The following DOP1B variants were observed in gnomAD, a reference collection of about 807,000 sequenced individuals.
DOP1B encodes protein DOP1B.
A neutral mutation model predicts 233.5 loss-of-function variants in DOP1B; 174 were observed. That is an observed-to-expected ratio of 0.75 (90% confidence interval 0.66 to 0.85). The LOEUF (loss-of-function observed/expected upper bound fraction) is 0.85, where lower values mean the gene tolerates loss of function less well. Among genes scored for constraint, DOP1B ranks in the 40% least tolerant of loss-of-function variants. The pLI is 0.00. For missense variants in DOP1B, 2,652 were observed against 2,846.6 expected (o/e 0.93, Z 1.56); for synonymous variants, 1,190 against 1,185.6 (o/e 1.00, Z -0.08).
chr21:36,208,615 G>A (rs777536235), intron 4 of DOP1B, 100 bp from the exon 5 acceptor site: 22 of 1,309,800 alleles, frequency 1.7e-5, no homozygotes, highest in East Asian at 1.7e-4. Context: ...CCAGCCAGGC[G>A]AATCCGCTGT....
At chr21:36,263,230 G>A (rs887011742) in intron 24 of DOP1B, among the ~76,000 whole-genome samples, 18 of 103,204 alleles carry the variant, frequency 1.7e-4, no homozygotes, top group Admixed American at 1.0e-3. Flanking sequence ...GTAAATCTCC[G>A]TCTCACCAAA....
chr21:36,246,350 G>A lies in DOP1B; in HGVS notation c.4370G>A (p.Arg1457Gln), dbSNP rs769669020. 23 of 1,613,494 alleles carry A rather than the reference G, an allele frequency of 1.4e-5. No homozygotes were observed. Among genetic ancestry groups the A allele is most frequent in the Middle Eastern group, 1.6e-4 (1 of 6,080 alleles). Residue 1457 changes from arginine (R) to glutamine (Q), a missense_variant, in exon 19 of 37, where the codon CGG (arginine) becomes CAG (glutamine). Arg to Gln is a conservative substitution (Grantham distance 43). Transcript: ENST00000691173. This position sits in a 1 kb window ranked among gnomAD's most constrained non-coding sequence, Gnocchi z 5.1. ...ATTGTCTTGGAACACCACCTGGGTC[G>A]GGCCCATGAGGAGGCGGAAAACCAG... The part of the protein sequence containing the change: ...VLIVLEHHLG[R>Q]AHEEAENQPD...
At chr21:36,227,013 G>C (rs1286385296) in intron 12 of DOP1B, among the ~76,000 whole-genome samples, 1 of 151,756 alleles carries the variant, frequency 6.6e-6, no homozygotes, top group Admixed American at 6.6e-5. Context: ...AGACCACCCT[G>C]GCTAACACGG....
Position 36,224,041 on chromosome 21 carries a change from A to G in DOP1B, c.1370+691A>G, listed in dbSNP as rs187746415. ...CTGCTACCACTACACTTTTCTGCCC[A>G]AATAAGCTCACAACCCTGGGAAAAA... On this transcript the variant is annotated intron_variant, in intron 11 of 36. Coordinates refer to ENST00000691173, the MANE Select transcript of DOP1B (RefSeq NM_001320714.2). Among the ~76,000 whole-genome samples, 1,033 of 152,224 alleles carry G rather than the reference A, an allele frequency of 6.8e-3. 14 individuals carry two copies. Among genetic ancestry groups the G allele is most frequent in the African/African-American group, 0.023 (969 of 41,520 alleles).
chr21:36,196,909 A>G (rs780691240), intron 2 of DOP1B, among the ~76,000 whole-genome samples: 1 of 150,158 alleles, frequency 6.7e-6, no homozygotes, highest in Non-Finnish European at 1.5e-5. Context: ...ACAGAGTGCA[A>G]CCCTTTTTTG....
At chr21:36,220,945 C>T (rs57668049) in intron 10 of DOP1B, among the ~76,000 whole-genome samples, 45,145 of 151,732 alleles carry the variant, frequency 0.3, 7,486 homozygotes, top group East Asian at 0.46. Flanking sequence ...CAAGTAGCTA[C>T]GACTATAGGC....
At chr21:36,241,136 T>TA (rs2066887368) in intron 18 of DOP1B, among the ~76,000 whole-genome samples, 1 of 151,170 alleles carries the variant, frequency 6.6e-6, no homozygotes, top group East Asian at 1.9e-4. Context: ...CTACTAAAAA[T>TA]ACAAAAAATA....
chr21:36,270,302 CAGCACTTTGGG>C (rs2067272715), intron 27 of DOP1B, 145 bp downstream of exon 27: 1 of 898,800 alleles, frequency 1.1e-6, no homozygotes, highest in Non-Finnish European at 1.7e-6. Context: ...CCTGTAATCC[CAGCACTTTGGG>C]AGACCGAGAT....
At chr21:36,166,436 C>CA (rs34206711) in intron 2 of DOP1B, among the ~76,000 whole-genome samples, 107 of 141,258 alleles carry the variant, frequency 7.6e-4, no homozygotes, top group East Asian at 1.5e-3. Context: ...GACTCCGTCT[C>CA]AAAAAAAAAA....
At chr21:36,157,247 C>A (rs1325927307) in intron 1 of DOP1B, among the ~76,000 whole-genome samples, 1 of 152,090 alleles carries the variant, frequency 6.6e-6, no homozygotes, top group African/African-American at 2.4e-5. Context: ...CCGGCCACGC[C>A]CTCGCCGAGC....
intron 23 of DOP1B, among the ~76,000 whole-genome samples, chr21:36,256,909 C>A (rs1280665360): frequency 1.3e-5 from 2 of 152,168 alleles, no homozygotes; most frequent in African/African-American, 4.8e-5. Context: ...TCCTCCAATT[C>A]AATTCCTACT....
rs548337149 is a variant in DOP1B, at chr21:36,193,453, G to A, written c.139-5617G>A. ...CTTCCCTCTGGGTATAGGGCAGGAC[G>A]CCTGTCACAGGGCGTTCAGGGGAGA... On this transcript the variant is annotated intron_variant, in intron 2 of 36. Coordinates refer to ENST00000691173, the MANE Select transcript of DOP1B (RefSeq NM_001320714.2). Among the ~76,000 whole-genome samples the A allele has an allele frequency of 4.2e-4, 64 of 152,254 alleles. 1 individual carries two copies. Among genetic ancestry groups the A allele is most frequent in the African/African-American group, 1.4e-3 (59 of 41,562 alleles).
chr21:36,194,044 C>G (rs558698931), intron 2 of DOP1B, among the ~76,000 whole-genome samples: 1 of 152,156 alleles, frequency 6.6e-6, no homozygotes, highest in Non-Finnish European at 1.5e-5. Flanking sequence ...GTAATTTGCC[C>G]GAACAGCAAA....
intron 10 of DOP1B, among the ~76,000 whole-genome samples, chr21:36,221,904 G>A (rs1214204346): frequency 3.9e-5 from 6 of 152,006 alleles, no homozygotes; most frequent in African/African-American, 1.2e-4. Flanking sequence ...ACGGAGTCTC[G>A]CTCTGTACCC....
intron 2 of DOP1B, among the ~76,000 whole-genome samples, chr21:36,167,253 A>C (rs1053345961): frequency 1.3e-5 from 2 of 152,096 alleles, no homozygotes; most frequent in Non-Finnish European, 2.9e-5. Flanking sequence ...GCTCATGACA[A>C]CCTGAGCCTC....
chr21:36,159,826 G>A (rs138836831), intron 1 of DOP1B, among the ~76,000 whole-genome samples: 11 of 152,276 alleles, frequency 7.2e-5, no homozygotes, highest in East Asian at 1.9e-4. Flanking sequence ...CTCTGCCGGT[G>A]GCTGAGTTTC....
At chr21:36,257,447 G>A (rs898405991) in intron 23 of DOP1B, among the ~76,000 whole-genome samples, 1 of 152,304 alleles carries the variant, frequency 6.6e-6, no homozygotes, top group South Asian at 2.1e-4. Context: ...CTTCCTCCAG[G>A]GTGTGGGACA....
At chr21:36,230,147 T>TA (rs2066742353) in intron 13 of DOP1B, among the ~76,000 whole-genome samples, 1 of 152,152 alleles carries the variant, frequency 6.6e-6, no homozygotes, top group Non-Finnish European at 1.5e-5. Context: ...AAACAATTCT[T>TA]AAACAACTTT....
rs1247224583 is a variant in DOP1B, at chr21:36,232,849, C to T, written c.2396C>T (p.Thr799Ile). The change falls in exon 15 of 37, where the codon ACT becomes ATT. Residue 799 changes from threonine (T) to isoleucine (I), a missense_variant. Physicochemically the swap from Thr to Ile is moderately conservative, Grantham distance 89 (BLOSUM62 -1). Coordinates refer to ENST00000691173, the MANE Select transcript of DOP1B (RefSeq NM_001320714.2). ...SFPSWLKSLM[T>I]ICCCVTDCYL... ...CCATCTTGGCTGAAGTCCCTCATGA[C>T]TATTTGCTGCTGTGTGACTGACTGC... The T allele has an allele frequency of 6.2e-7, 1 of 1,613,560 alleles. No individual in the cohort carries two copies.
Sources: gnomAD v4.1 joint callset for allele counts (sites outside exome capture counted in the v4.1 genomes callset) on GRCh38, gnomAD v4.1.1 for gene constraint, Gnocchi (gnomAD v3.1) non-coding constraint, MANE v1.5 for transcripts, NCBI Gene and HGNC (gene_info 2026-07-23, HGNC 2026-07-21) for gene names.